NAV3: variants seen among roughly 807,000 people sequenced by gnomAD.
NAV3 encodes neuron navigator 3, also known as pore membrane and/or filament interacting like protein 1.
NAV3 carries 87 observed loss-of-function variants against 244.7 expected under a neutral mutation model. That is an observed-to-expected ratio of 0.36 (90% CI 0.30 to 0.42). The LOEUF is 0.42. Among genes scored for constraint, NAV3 ranks in the 20% least tolerant of loss-of-function variants. The pLI is 1.00. For synonymous variants in NAV3, 1,126 were observed against 1,042.2 expected, an observed-to-expected ratio of 1.08 and a Z score of -1.55; for missense variants, 2,663 against 2,893.3, an observed-to-expected ratio of 0.92 and a Z score of 1.83.
chr12:78,138,999 A>C (rs2139041756), intron 19 of NAV3, among the ~76,000 whole-genome samples: 1 of 152,338 alleles, frequency 6.6e-6, no homozygotes, highest in East Asian at 1.9e-4. Flanking sequence ...ATAAACAGAA[A>C]GAATGAGAAT....
At chr12:78,109,012 C>T (rs936802287) in intron 12 of NAV3, among the ~76,000 whole-genome samples, 1 of 151,584 alleles carries the variant, frequency 6.6e-6, no homozygotes, top group African/African-American at 2.4e-5. Context: ...ATTAACAAAA[C>T]TAAAATTTGG....
At chr12:77,942,393 AAAT>A (rs1228549518) in intron 3 of NAV3, among the ~76,000 whole-genome samples, 1 of 151,760 alleles carries the variant, frequency 6.6e-6, no homozygotes, top group Non-Finnish European at 1.5e-5. Flanking sequence ...ATAAATAAAT[AAAT>A]AATAAAATCA....
chr12:77,653,041 G>T (rs1209913094), intron 2 of NAV3, among the ~76,000 whole-genome samples: 1 of 152,142 alleles, frequency 6.6e-6, no homozygotes, highest in Non-Finnish European at 1.5e-5. Flanking sequence ...TTAAGAAACT[G>T]GAATACAGAA....
chr12:77,686,593 T>C (rs957659214), intron 2 of NAV3, among the ~76,000 whole-genome samples: 2 of 152,112 alleles, frequency 1.3e-5, no homozygotes, highest in Non-Finnish European at 2.9e-5. Context: ...GATGCATCCA[T>C]GACACACAGC....
In NAV3 at chr12:78,082,419, T is replaced by C. The variant is rs534292047; in HGVS notation, c.2636+23304T>C. Among the ~76,000 whole-genome samples, 34 of 152,352 alleles carry C rather than the reference T, an allele frequency of 2.2e-4. 1 individual carries two copies. The highest frequency in any genetic ancestry group is 2.0e-3 in the Admixed American group (30 of 15,302). On this transcript the variant is annotated intron_variant, in intron 12 of 39. Coordinates refer to ENST00000397909, the MANE Select transcript of NAV3 (RefSeq NM_001024383.2). ...CCCGTTTTGAAAATATCTGTGCACA[T>C]ATTTTTAGAAAATCTTGTTGTTTCA...
intron 2 of NAV3, among the ~76,000 whole-genome samples, chr12:77,600,005 T>C (rs10506755): frequency 0.18 from 26,817 of 152,006 alleles, 2,701 homozygotes; most frequent in Admixed American, 0.23. Flanking sequence ...TAATTATTAA[T>C]GAAGCCTGTC....
At position 78,171,018 on chromosome 12, in the gene NAV3, A is replaced by C. The variant is rs149855107; in HGVS notation, c.4981+2152A>C. 1.4e-4 allele frequency among the ~76,000 whole-genome samples: 21 copies of C among 151,904 alleles called. No homozygotes were observed. In the East Asian group the frequency reaches 3.9e-3, roughly 28 times the overall value. On this transcript the variant is annotated intron_variant, in intron 24 of 39. Transcript: ENST00000397909. ...CAAGATGCCCATGATGATGTCTTGC[A>C]TGTAACAGGGGTTTATTTGAATTTT... is the stretch of plus-strand genomic sequence containing the variant.
chr12:78,102,658 ACT>A (rs1858598752), intron 12 of NAV3, among the ~76,000 whole-genome samples: 1 of 151,634 alleles, frequency 6.6e-6, no homozygotes, highest in African/African-American at 2.4e-5. Context: ...CCTGCAGAAA[ACT>A]CTTTCCTGGG....
chr12:78,048,178 A>G (rs1387277430), intron 9 of NAV3, among the ~76,000 whole-genome samples: 1 of 151,848 alleles, frequency 6.6e-6, no homozygotes, highest in Admixed American at 6.6e-5. Flanking sequence ...AGCTTGGAGG[A>G]GTTTGTTATT....
At chr12:77,868,408 A>G (rs1880413111) in intron 1 of NAV3, among the ~76,000 whole-genome samples, 1 of 152,100 alleles carries the variant, frequency 6.6e-6, no homozygotes, top group African/African-American at 2.4e-5. Context: ...TTTCTCTTGA[A>G]TAAGAAAGAA....
At chr12:78,193,643 A>G (rs1314101768) in intron 34 of NAV3, among the ~76,000 whole-genome samples, 1 of 152,110 alleles carries the variant, frequency 6.6e-6, no homozygotes, top group Non-Finnish European at 1.5e-5. Flanking sequence ...TTTCATTTTC[A>G]TCAAGCTAGA....
chr12:78,206,555 C>G (rs1056268166), intron 39 of NAV3, among the ~76,000 whole-genome samples: 1 of 152,118 alleles, frequency 6.6e-6, no homozygotes, highest in Non-Finnish European at 1.5e-5. Context: ...ATGCCCACAA[C>G]TTTCCCAATT....
intron 1 of NAV3, among the ~76,000 whole-genome samples, chr12:77,938,931 C>CAT (rs1555235121): frequency 2.1e-5 from 3 of 142,502 alleles, no homozygotes; most frequent in South Asian, 2.3e-4. Context: ...AATGTGATCT[C>CAT]GTGTGTGTGT....
At chr12:78,041,017 A>G (rs1880768554) in intron 9 of NAV3, among the ~76,000 whole-genome samples, 1 of 152,226 alleles carries the variant, frequency 6.6e-6, no homozygotes, top group Admixed American at 6.5e-5. Flanking sequence ...AGAATTCTTT[A>G]TAGCCATCTC....
At chr12:77,968,782 G>T in intron 5 of NAV3, 80 bp downstream of exon 5, 2 of 1,401,608 alleles carry the variant, frequency 1.4e-6, no homozygotes, top group Non-Finnish European at 2.0e-6. Flanking sequence ...TTGTCCATGA[G>T]TTTGAAAAAC....
chr12:78,168,282 T>C (rs1462126679), intron 23 of NAV3, among the ~76,000 whole-genome samples: 1 of 151,750 alleles, frequency 6.6e-6, no homozygotes, highest in Non-Finnish European at 1.5e-5. Context: ...AAATAATCAA[T>C]TTTGCAGGCA....
At chr12:77,593,448 T>C (rs1870008982) in intron 2 of NAV3, among the ~76,000 whole-genome samples, 3 of 150,772 alleles carry the variant, frequency 2.0e-5, no homozygotes, top group Admixed American at 2.0e-4. Flanking sequence ...TTAATTATTA[T>C]TATTTATTTT....
At chr12:77,970,636 G>T (rs1397470259) in intron 5 of NAV3, among the ~76,000 whole-genome samples, 1 of 152,014 alleles carries the variant, frequency 6.6e-6, no homozygotes, top group East Asian at 1.9e-4. Flanking sequence ...TGTTCTTTAA[G>T]CTCATCTTGG....
At chr12:77,793,865 T>G (rs1204831127) in intron 2 of NAV3, among the ~76,000 whole-genome samples, 3 of 152,226 alleles carry the variant, frequency 2.0e-5, no homozygotes, top group Non-Finnish European at 4.4e-5. Context: ...GGTCAAATGG[T>G]ATTTCTGGTT....
Sources: allele counts gnomAD v4.1 joint callset (sites outside exome capture counted in the v4.1 genomes callset), GRCh38; gene constraint gnomAD v4.1.1; transcripts MANE v1.5; gene names NCBI Gene and HGNC (gene_info 2026-07-23, HGNC 2026-07-21).